TOX: variants seen among roughly 807,000 people sequenced by gnomAD.
TOX encodes thymocyte selection-associated high mobility group box protein TOX.
In TOX, 11 loss-of-function variants were observed where a neutral mutation model predicts 53.7. That is an observed-to-expected ratio of 0.20 (90% CI 0.13 to 0.34). TOX has a LOEUF of 0.34. Among genes scored for constraint, TOX ranks in the 10% least tolerant of loss-of-function variants. TOX has a pLI of 1.00. For synonymous variants in TOX, 225 were observed against 245.3 expected (o/e 0.92, Z 0.77); for missense variants, 570 against 664.6 (o/e 0.86, Z 1.56).
At chr8:58,834,942 C>A (rs1388902867) in intron 5 of TOX, among the ~76,000 whole-genome samples, 1 of 152,122 alleles carries the variant, frequency 6.6e-6, no homozygotes, top group Non-Finnish European at 1.5e-5. Flanking sequence ...GGGGACAAAT[C>A]ATTTTAGAGT....
intron 3 of TOX, among the ~76,000 whole-genome samples, chr8:58,929,287 G>C (rs1585907034): frequency 6.6e-6 from 1 of 151,996 alleles, no homozygotes; most frequent in East Asian, 1.9e-4. Context: ...TTTAAAAAAG[G>C]AAAGTCAAAT....
intron 3 of TOX, among the ~76,000 whole-genome samples, chr8:58,871,130 G>T (rs989193226): frequency 7.0e-6 from 1 of 141,976 alleles, no homozygotes; most frequent in African/African-American, 2.6e-5. Flanking sequence ...AAAAGACATG[G>T]TTGAACTTTA....
At chr8:59,064,550 T>C (rs138197188) in intron 1 of TOX, among the ~76,000 whole-genome samples, 2 of 152,364 alleles carry the variant, frequency 1.3e-5, no homozygotes, top group African/African-American at 4.8e-5. Context: ...TCTAGAAATC[T>C]ATTAATGTAG....
chr8:59,077,475 T>G (rs1005078602), intron 1 of TOX, among the ~76,000 whole-genome samples: 2 of 152,176 alleles, frequency 1.3e-5, no homozygotes, highest in African/African-American at 4.8e-5. Flanking sequence ...GCATGATGCT[T>G]GGTACCCAGG....
At chr8:58,904,664 C>A (rs1811784614) in intron 3 of TOX, among the ~76,000 whole-genome samples, 1 of 152,148 alleles carries the variant, frequency 6.6e-6, no homozygotes, top group Admixed American at 6.5e-5. Context: ...GGGGCCTGAC[C>A]ATGGTAATGA....
At chr8:58,849,750 G>A (rs975430143) in intron 4 of TOX, among the ~76,000 whole-genome samples, 1 of 152,142 alleles carries the variant, frequency 6.6e-6, no homozygotes, top group Non-Finnish European at 1.5e-5. Flanking sequence ...ACACAATCCA[G>A]ATACAAAAAT....
rs185078191 is a variant in TOX at position 58,977,795 on chromosome 8, C to G, written c.103-17787G>C. Among the ~76,000 whole-genome samples the G allele has an allele frequency of 1.9e-3, 283 of 152,244 alleles. 1 individual carries two copies. The highest frequency in any genetic ancestry group is 6.5e-3 in the African/African-American group (269 of 41,534). On this transcript the variant is annotated intron_variant, in intron 1 of 8. Coordinates refer to ENST00000361421, the MANE Select transcript of TOX (RefSeq NM_014729.3). ...AACACACACATTTATCAATTAAGTT[C>G]ATTGTCTTATATAGGTGCAGTTCAT...
At chr8:59,011,327 T>C (rs895897085) in intron 1 of TOX, among the ~76,000 whole-genome samples, 1 of 152,240 alleles carries the variant, frequency 6.6e-6, no homozygotes, top group African/African-American at 2.4e-5. Context: ...GCAGCTTTTC[T>C]GTGTGGAAGA....
Position 58,807,547 on chromosome 8 carries a change from A to G in TOX, c.*200T>C. On this transcript the variant is annotated 3_prime_UTR_variant, in exon 9 of 9. Coordinates refer to ENST00000361421, the MANE Select transcript of TOX (RefSeq NM_014729.3). ...TTTCCTTCAGGGAAGAAGAAAAACA[A>G]TGTCCATAAAGGATTAAAAAAATAA... The G allele has an allele frequency of 3.8e-6, 2 of 532,824 alleles. No individual in the cohort carries two copies. Among genetic ancestry groups the G allele is most frequent in the Admixed American group, 3.3e-5 (1 of 30,566 alleles). 33.0% of individuals were successfully genotyped at this position (532,824 alleles called of 1,614,324 possible).
chr8:58,862,655 G>A (rs573885767), intron 3 of TOX, among the ~76,000 whole-genome samples: 11 of 152,116 alleles, frequency 7.2e-5, no homozygotes, highest in East Asian at 5.8e-4. Flanking sequence ...ACTGTGCACC[G>A]AACCATGAAA....
At chr8:58,904,338 T>C (rs1430846207) in intron 3 of TOX, among the ~76,000 whole-genome samples, 1 of 152,168 alleles carries the variant, frequency 6.6e-6, no homozygotes, top group Non-Finnish European at 1.5e-5. Flanking sequence ...TTCTATGTGA[T>C]ACTAAAGCAC....
chr8:59,086,084 C>G (rs1427146268), intron 1 of TOX, among the ~76,000 whole-genome samples: 1 of 144,516 alleles, frequency 6.9e-6, no homozygotes, highest in Non-Finnish European at 1.5e-5. Context: ...CTGTGGGGTT[C>G]AAGTGATTCT....
intron 3 of TOX, among the ~76,000 whole-genome samples, chr8:58,906,786 G>A (rs1364465132): frequency 6.6e-6 from 1 of 152,060 alleles, no homozygotes; most frequent in Non-Finnish European, 1.5e-5. Context: ...AAAGGCATTA[G>A]CCAGGCTTGT....
At chr8:59,090,617 A>G (rs981715821) in intron 1 of TOX, among the ~76,000 whole-genome samples, 1 of 152,158 alleles carries the variant, frequency 6.6e-6, no homozygotes, top group African/African-American at 2.4e-5. Context: ...AAGGAATCCA[A>G]GTATTCAGGG....
chr8:58,945,540 T>C (rs1050882230), intron 2 of TOX, among the ~76,000 whole-genome samples: 2 of 152,204 alleles, frequency 1.3e-5, no homozygotes, highest in African/African-American at 4.8e-5. Context: ...TCATTTCCCC[T>C]GCCTGTTTAA....
At chr8:59,030,031 T>A (rs1444597804) in intron 1 of TOX, among the ~76,000 whole-genome samples, 1 of 152,184 alleles carries the variant, frequency 6.6e-6, no homozygotes, top group African/African-American at 2.4e-5. Context: ...GGTATTTTTA[T>A]AATACTGATA....
chr8:59,072,122 A>G (rs1295736093), intron 1 of TOX, among the ~76,000 whole-genome samples: 2 of 152,178 alleles, frequency 1.3e-5, no homozygotes, highest in Non-Finnish European at 2.9e-5. Flanking sequence ...GTTCAGGTAA[A>G]TGTTTGTGTT....
At chr8:58,837,959 G>C (rs1052447559) in intron 5 of TOX, 122 bp downstream of exon 5, 66 of 833,032 alleles carry the variant, frequency 7.9e-5, no homozygotes, top group Non-Finnish European at 1.1e-4. Flanking sequence ...GGTTCGGATG[G>C]GGACACCTTC....
At chr8:58,808,045 G>A (rs2726600) in intron 8 of TOX, 73 bp downstream of exon 8, 978,488 of 1,528,752 alleles carry the variant, frequency 0.64, 317,653 homozygotes, top group East Asian at 0.94. Context: ...GGAAACAAGA[G>A]AACGATCAAC....
Sources: gnomAD v4.1 joint callset for allele counts (sites outside exome capture counted in the v4.1 genomes callset) on GRCh38, gnomAD v4.1.1 for gene constraint, MANE v1.5 for transcripts, NCBI Gene and HGNC (gene_info 2026-07-23, HGNC 2026-07-21) for gene names.